HERC2: variants seen among roughly 807,000 people sequenced by gnomAD.
HERC2 encodes the protein E3 ubiquitin-protein ligase HERC2.
Under a neutral mutation model 537.7 loss-of-function variants are expected in HERC2, and 102 were observed. The ratio of observed to expected loss-of-function variants is 0.19; its 90% CI spans 0.16 to 0.22. The LOEUF (loss-of-function observed/expected upper bound fraction) is 0.22, where lower values mean the gene tolerates loss of function less well. Ranked by LOEUF, HERC2 falls within the 10% of genes least tolerant of loss-of-function variation. The pLI is 1.00. For synonymous variants in HERC2, 2,224 were observed against 2,466.2 expected (o/e 0.90, Z 2.91); for missense variants, 4,236 against 6,198.2 (o/e 0.68, Z 10.63).
At chr15:28,227,647 G>A (rs558296711) in intron 35 of HERC2, among the ~76,000 whole-genome samples, 5 of 152,162 alleles carry the variant, frequency 3.3e-5, no homozygotes, top group African/African-American at 4.8e-5. Flanking sequence ...AGTCCTAGGT[G>A]TATAATCAAA....
At position 28,113,107 on chromosome 15, in the gene HERC2, G is replaced by A. The variant is rs1306744747; in HGVS notation, c.14196C>T (p.Thr4732=). 3 of 1,613,748 alleles carry A rather than the reference G, an allele frequency of 1.9e-6. No homozygotes were observed. The highest frequency in any genetic ancestry group is 2.5e-6 in the Non-Finnish European group (3 of 1,180,014). Residue 4732 remains threonine (T), a synonymous_variant, in exon 92 of 93, where the codon ACC becomes ACT. Transcript: ENST00000261609. The surrounding 1 kb of genome is among the most constrained non-coding windows in gnomAD (Gnocchi z 7.0). ...AGTCTCGGCCCCGGAAGTCGGCGAT[G>A]GTCCTGGGCAGCCTCGTCCGGCCCC... is the stretch of plus-strand genomic sequence containing the variant. The part of the protein sequence containing the change: ...FVWGRTRLPR[T]IADFRGRDFV...
At chr15:28,200,067 T>G (rs1008223655) in intron 48 of HERC2, among the ~76,000 whole-genome samples, 1 of 151,714 alleles carries the variant, frequency 6.6e-6, no homozygotes, top group African/African-American at 2.4e-5. Flanking sequence ...GTCATAAGAG[T>G]GGGCCTCTGA....
intron 70 of HERC2, among the ~76,000 whole-genome samples, chr15:28,152,223 C>G (rs1327801034): frequency 2.0e-5 from 3 of 152,218 alleles, no homozygotes; most frequent in Non-Finnish European, 4.4e-5. Context: ...GCAGTGAAGC[C>G]CGCCAGATCA....
At chr15:28,229,987 T>C in intron 31 of HERC2, 140 bp from the exon 32 acceptor site, 1 of 707,812 alleles carries the variant, frequency 1.4e-6, no homozygotes, top group Non-Finnish European at 2.5e-6. Flanking sequence ...TTTAAAACTA[T>C]GCTATAAATA....
rs138814061 is a variant in HERC2, at chr15:28,278,485, ATTG to A, written c.542+1580_542+1582del. On this transcript the variant is annotated intron_variant, in intron 5 of 92. Transcript: ENST00000261609. ...TATTGTTTTTTCTTTGTATTTTTTTATTGTTGTGTTGTTTTTTATTGCTTTTCT... is the reference window on the plus strand; with the variant it reads ...TATTGTTTTTTCTTTGTATTTTTTTATTGTGTTGTTTTTTATTGCTTTTCT... 3.8e-3 allele frequency among the ~76,000 whole-genome samples: 579 copies of A among 152,228 alleles called. 1 individual carries two copies. The highest frequency in any genetic ancestry group is 0.013 in the African/African-American group (553 of 41,538).
At chr15:28,178,843 A>C in intron 59 of HERC2, 44 bp downstream of exon 59, 6 of 1,581,036 alleles carry the variant, frequency 3.8e-6, no homozygotes, top group Non-Finnish European at 3.4e-6. Flanking sequence ...ACGGAGCAGG[A>C]GCAAAGGCCG....
In HERC2 at chr15:28,215,710, C is replaced by T. The variant is rs559923953; in HGVS notation, c.6121G>A (p.Gly2041Ser). The T allele has an allele frequency of 5.6e-6, 9 of 1,612,004 alleles. No homozygotes were observed. The highest frequency in any genetic ancestry group is 1.3e-5 in the African/African-American group (1 of 74,992). ...RSIALTPQVC[G>S]ALSSPQWITL... ...ATCCACTGCGGGGAGCTGAGGGCGC[C>T]GCATACCTGCGGCGTGAGAGCGATG... Residue 2041 changes from glycine to serine, a missense_variant, in exon 39 of 93, where the codon GGC becomes AGC. Around this residue, in one of 27 missense-constraint regions of HERC2, gnomAD observed 365 missense variants for 468.8 expected, o/e 0.78. Coordinates refer to ENST00000261609, the MANE Select transcript of HERC2 (RefSeq NM_004667.6).
chr15:28,144,499 G>A (rs1891538377), intron 72 of HERC2, among the ~76,000 whole-genome samples, 174 bp downstream of exon 72: 1 of 152,222 alleles, frequency 6.6e-6, no homozygotes, highest in African/African-American at 2.4e-5. Context: ...CTGGATGGCT[G>A]GGACAGATCT....
Position 28,130,072 on chromosome 15 carries a change from C to T in HERC2, c.12802+91G>A. ...ACAGGAGTGAGCCACCACACCTGGC[C>T]TGTGCCCCCTTTTAAGGCTGCGCAT... On this transcript the variant is annotated intron_variant, in intron 83 of 92. Transcript: ENST00000261609. 2.0e-6 allele frequency: 3 copies of T among 1,508,902 alleles called. No homozygotes were observed. In the South Asian group the frequency reaches 3.6e-5, roughly 18 times the overall value. The allele number at this position is 1,508,902 out of a possible 1,614,324, so 93.5% of individuals were successfully genotyped here.
rs2075831472 is a variant in HERC2, at chr15:28,274,911, G to A, written c.637C>T (p.Arg213Ter). ...GCCACACCAGGGACCGTACCTGATC[G>A]CCAGGCCCTGCGCAGGAAGGCAAAG... Reference protein sequence around the residue: ...FAFAFLRRAWRSGEDADLCSE... With the variant: ...FAFAFLRRAW The change falls in exon 6 of 93, where the codon CGA (arginine) becomes TGA (stop). Residue 213 changes from arginine (R) to a stop codon, truncating the protein, a stop_gained. Transcript: ENST00000261609. LOFTEE classifies it high-confidence loss of function. 1 of 1,610,384 alleles carries A rather than the reference G, an allele frequency of 6.2e-7. No individual in the cohort carries two copies. Among genetic ancestry groups the A allele is most frequent in the Non-Finnish European group, 8.5e-7 (1 of 1,178,722 alleles).
At chr15:28,212,283 C>T (rs1460485578) in intron 43 of HERC2, among the ~76,000 whole-genome samples, 162 bp downstream of exon 43, 7 of 152,112 alleles carry the variant, frequency 4.6e-5, no homozygotes, top group Non-Finnish European at 8.8e-5. Context: ...TACTCATTAC[C>T]ACGAACACAG....
intron 65 of HERC2, among the ~76,000 whole-genome samples, chr15:28,170,688 G>T (rs180703467): frequency 6.6e-6 from 1 of 151,986 alleles, no homozygotes; most frequent in Non-Finnish European, 1.5e-5. Flanking sequence ...AAACACTTTC[G>T]TTCTATGAAA....
At chr15:28,117,416 A>C (rs749604395) in intron 86 of HERC2, 13 of 691,582 alleles carry the variant, frequency 1.9e-5, no homozygotes, top group South Asian at 1.8e-4. Context: ...TGTCTGAACA[A>C]ACACACCTTC....
chr15:28,195,699 C>T (rs1897289550), intron 52 of HERC2, among the ~76,000 whole-genome samples: 1 of 151,850 alleles, frequency 6.6e-6, no homozygotes, highest in Non-Finnish European at 1.5e-5. Flanking sequence ...AGTTAAATTG[C>T]TTAATGGGTA....
intron 44 of HERC2, among the ~76,000 whole-genome samples, chr15:28,208,041 G>A (rs1898675284): frequency 6.6e-6 from 1 of 152,172 alleles, no homozygotes; most frequent in Non-Finnish European, 1.5e-5. Flanking sequence ...TGGGCTGAGT[G>A]CAGAACAGAA....
At position 28,167,677 on chromosome 15, in the gene HERC2, G is replaced by A. The variant is rs773981886; in HGVS notation, c.10554+10C>T. On this transcript the variant is annotated intron_variant, in intron 68 of 92. Coordinates refer to ENST00000261609, the MANE Select transcript of HERC2 (RefSeq NM_004667.6). ...TCACAATACAAAGTTAAAGAAGAAC[G>A]CCTCTTCACCTCTTTGGTTTTGGTC... 2.4e-5 allele frequency: 38 copies of A among 1,613,366 alleles called. No homozygotes were observed. The highest frequency in any genetic ancestry group is 6.7e-5 in the Admixed American group (4 of 59,924).
At chr15:28,200,290 GA>G (rs1294335112) in intron 48 of HERC2, among the ~76,000 whole-genome samples, 1 of 152,192 alleles carries the variant, frequency 6.6e-6, no homozygotes. Flanking sequence ...AGCTACTCGG[GA>G]GGCTGAGGCA....
Position 28,168,399 on chromosome 15 carries a change from G to T in HERC2, c.10413+8C>A, listed in dbSNP as rs540733711. 5.0e-6 allele frequency: 8 copies of T among 1,612,318 alleles called. No individual in the cohort carries two copies. The African/African-American group carries it at 1.1e-4, about 22-fold the overall frequency. On this transcript the variant is annotated splice_region_variant and intron_variant, in intron 67 of 92. Coordinates refer to ENST00000261609, the MANE Select transcript of HERC2 (RefSeq NM_004667.6). ...TCTGATCTAACATTGCTTTAGATTCGCTTTTACCTCTCTCTTTTCTTGCCA... is the reference window on the plus strand; with the variant it reads ...TCTGATCTAACATTGCTTTAGATTCTCTTTTACCTCTCTCTTTTCTTGCCA...
rs773745323 is a variant in HERC2 at position 28,146,188 on chromosome 15, C to T, written c.11008+49G>A. The T allele has an allele frequency of 2.8e-5, 35 of 1,263,968 alleles. 1 individual carries two copies. The highest frequency in any genetic ancestry group is 1.8e-4 in the African/African-American group (12 of 68,048). The allele number at this position is 1,263,968 out of a possible 1,614,324, so 78.3% of individuals were successfully genotyped here. A position where few individuals can be genotyped will look rare whatever the true frequency, so the allele number is the denominator to read the frequency against. On this transcript the variant is annotated intron_variant, in intron 71 of 92. Transcript: ENST00000261609. ...CTACAAATGTGAAGGGTTGTGTCTA[C>T]GGAGACACAGGTGGGTAGATCATGC...
Sources: gnomAD v4.1 joint callset for allele counts (sites outside exome capture counted in the v4.1 genomes callset) on GRCh38, gnomAD v4.1.1 for gene constraint, gnomAD v4.1.1 regional missense constraint, Gnocchi (gnomAD v3.1) non-coding constraint, MANE v1.5 for transcripts, NCBI Gene and HGNC (gene_info 2026-07-23, HGNC 2026-07-21) for gene names.